CLPX: variants seen among roughly 807,000 people sequenced by gnomAD.
CLPX encodes the protein ATP-dependent clpX-like chaperone, mitochondrial.
Under a neutral mutation model 76.4 loss-of-function variants are expected in CLPX, and 34 were observed. The observed-to-expected ratio is 0.45, with a 90% CI of 0.34 to 0.59. The LOEUF is 0.59. Ranked by LOEUF, CLPX falls within the 20% of genes least tolerant of loss-of-function variation. The pLI, the probability that CLPX is intolerant of heterozygous loss-of-function variation, is 0.01. For synonymous variants in CLPX, 248 were observed against 270.9 expected, an observed-to-expected ratio of 0.92 and a Z score of 0.83; for missense variants, 613 against 757.0, an observed-to-expected ratio of 0.81 and a Z score of 2.23.
intron 12 of CLPX, among the ~76,000 whole-genome samples, chr15:65,153,308 G>A (rs1044598570): frequency 2.6e-5 from 4 of 152,096 alleles, no homozygotes; most frequent in African/African-American, 9.7e-5. Context: ...AAATTAGCCA[G>A]GTGTGGTGGT....
intron 6 of CLPX, among the ~76,000 whole-genome samples, chr15:65,161,050 G>A (rs1376047656): frequency 6.6e-6 from 1 of 152,170 alleles, no homozygotes; most frequent in African/African-American, 2.4e-5. Context: ...TGTCTCATGG[G>A]TTTAGGGGAG....
intron 3 of CLPX, among the ~76,000 whole-genome samples, chr15:65,172,419 C>G (rs886337759): frequency 6.6e-6 from 1 of 152,014 alleles, no homozygotes. Context: ...ATCACAAGGT[C>G]AGGAGTTCAA....
chr15:65,167,899 T>A (rs889364138), intron 3 of CLPX, among the ~76,000 whole-genome samples: 5 of 150,884 alleles, frequency 3.3e-5, no homozygotes, highest in African/African-American at 1.2e-4. Context: ...GAAAAAAATA[T>A]ATATATAATT....
intron 6 of CLPX, 37 bp from the exon 7 acceptor site, chr15:65,158,788 T>C (rs2140619587): frequency 4.0e-6 from 6 of 1,491,322 alleles, no homozygotes; most frequent in Non-Finnish European, 5.4e-6. Flanking sequence ...TGAGCTTCAT[T>C]TGAATTTACT....
chr15:65,177,210 A>G (rs969902807), intron 3 of CLPX, among the ~76,000 whole-genome samples: 2 of 152,022 alleles, frequency 1.3e-5, no homozygotes, highest in African/African-American at 4.8e-5. Context: ...CTGGGACTTC[A>G]GATGCACGCC....
chr15:65,157,644 G>C (rs962216584), intron 8 of CLPX, 102 bp downstream of exon 8: 2 of 1,104,502 alleles, frequency 1.8e-6, no homozygotes, highest in African/African-American at 3.2e-5. Flanking sequence ...TATAATTACA[G>C]AATTTTAGTC....
At chr15:65,160,177 C>T (rs542564555) in intron 6 of CLPX, among the ~76,000 whole-genome samples, 1 of 152,260 alleles carries the variant, frequency 6.6e-6, no homozygotes, top group East Asian at 1.9e-4. Context: ...TTTAATTAAA[C>T]TGATAGAATA....
rs142954778 is a variant in CLPX, at chr15:65,180,189, C to G, written c.95G>C (p.Arg32Pro). The change falls in exon 2 of 14, where the codon CGC (arginine) becomes CCC (proline). Residue 32 changes from arginine (R) to proline (P), a missense_variant. Physicochemically the swap from Arg to Pro is moderately radical, Grantham distance 103. Around this residue, in one of 2 missense-constraint regions of CLPX, gnomAD observed 163 missense variants for 118.4 expected, o/e 1.38. Transcript: ENST00000300107. ...CCTTCCTAAAACTGACATATGAATG[C>G]GACCACCAGAAATACCTGAAAATAA... ...ASAQRGISGG[R>P]IHMSVLGRLG... 2.7e-3 allele frequency: 4,358 copies of G among 1,590,204 alleles called. 3 individuals are homozygous for G. Among genetic ancestry groups the G allele is most frequent in the Non-Finnish European group, 3.3e-3 (3,840 of 1,167,790 alleles).
rs764875353 is a variant in CLPX at position 65,180,156 on chromosome 15, G to A, written c.128C>T (p.Thr43Ile). 8 of 1,609,500 alleles carry A rather than the reference G, an allele frequency of 5.0e-6. No individual in the cohort carries two copies. The South Asian group carries it at 8.9e-5, about 18-fold the overall frequency. ...IHMSVLGRLG[T>I]FETQILQRAP... ...TCTTTGCAGAATCTGAGTTTCAAAT[G>A]TCCCAAGCCTTCCTAAAACTGACAT... The change falls in exon 2 of 14, where the codon ACA becomes ATA. Residue 43 changes from threonine to isoleucine, a missense_variant. Thr to Ile is a moderately conservative substitution (Grantham distance 89). Around this residue, in one of 2 missense-constraint regions of CLPX, gnomAD observed 163 missense variants for 118.4 expected, o/e 1.38. Coordinates refer to ENST00000300107, the MANE Select transcript of CLPX (RefSeq NM_006660.5).
chr15:65,155,860 A>G lies in CLPX; in HGVS notation c.1147-4T>C. ...CTTCTAGTAGTTTTAATAAGCCCTA[A>G]ATAAAGAACAAATGATTTATAGCAT... is the stretch of plus-strand genomic sequence containing the variant. On this transcript the variant is annotated splice_region_variant and splice_polypyrimidine_tract_variant and intron_variant, in intron 9 of 13. Coordinates refer to ENST00000300107, the MANE Select transcript of CLPX (RefSeq NM_006660.5). 1 of 1,606,814 alleles carries G rather than the reference A, an allele frequency of 6.2e-7. No individual in the cohort carries two copies. Among genetic ancestry groups the G allele is most frequent in the Non-Finnish European group, 8.5e-7 (1 of 1,174,324 alleles).
intron 6 of CLPX, among the ~76,000 whole-genome samples, chr15:65,160,033 G>A (rs1311562927): frequency 6.6e-6 from 1 of 152,018 alleles, no homozygotes; most frequent in Non-Finnish European, 1.5e-5. Context: ...GGCTGGTCTT[G>A]AACTGCTGAC....
chr15:65,159,463 A>C (rs1264773606), intron 6 of CLPX, among the ~76,000 whole-genome samples: 1 of 152,216 alleles, frequency 6.6e-6, no homozygotes, highest in Admixed American at 6.5e-5. Context: ...ATAAAAAATT[A>C]GCCAGATGTG....
intron 3 of CLPX, among the ~76,000 whole-genome samples, chr15:65,169,773 G>A (rs1364066821): frequency 7.3e-6 from 1 of 137,218 alleles, no homozygotes; most frequent in African/African-American, 2.8e-5. Context: ...TTTTTTTTTT[G>A]AGACAGAGTT....
Position 65,171,162 on chromosome 15 carries a change from C to A in CLPX, c.359-4377G>T, listed in dbSNP as rs961962522. On this transcript the variant is annotated intron_variant, in intron 3 of 13. Coordinates refer to ENST00000300107, the MANE Select transcript of CLPX (RefSeq NM_006660.5). ...ACACAAGACTAATTAAAAACACATT[C>A]TGGGCCGGCCAAGGTGGCTAACGCC... 2.0e-5 allele frequency among the ~76,000 whole-genome samples: 3 copies of A among 152,100 alleles called. No individual in the cohort carries two copies. In the South Asian group the frequency reaches 6.2e-4, roughly 32 times the overall value.
chr15:65,152,839 C>A (rs572738344), intron 12 of CLPX, among the ~76,000 whole-genome samples: 2 of 151,562 alleles, frequency 1.3e-5, no homozygotes, highest in Admixed American at 6.6e-5. Context: ...TCAGGCAATC[C>A]GCCTGCCTCA....
chr15:65,177,847 G>A (rs1027022748), intron 3 of CLPX, among the ~76,000 whole-genome samples: 5 of 151,730 alleles, frequency 3.3e-5, no homozygotes, highest in Admixed American at 2.0e-4. Flanking sequence ...CTTTGTCGCC[G>A]AGGCTGGAAT....
chr15:65,160,617 TCTCTCTCACA>T (rs980182570), intron 6 of CLPX, among the ~76,000 whole-genome samples: 4 of 133,778 alleles, frequency 3.0e-5, no homozygotes, highest in Non-Finnish European at 6.2e-5. Context: ...TCTCTCTCTC[TCTCTCTCACA>T]CACACACACA....
At position 65,156,894 on chromosome 15, in the gene CLPX, C is replaced by T. The variant is rs1415811686; in HGVS notation, c.1096G>A (p.Val366Met). Residue 366 changes from valine (V) to methionine (M), a missense_variant, in exon 9 of 14, where the codon GTG becomes ATG. Val to Met is a conservative substitution (Grantham distance 21). Transcript: ENST00000300107. ...TCCCGTAATTGATGAATGCCTGGCA[C>T]ACTGCCAATCTTATCTACTTCATCC... ...FLDEVDKIGS[V>M]PGIHQLRDVG... The T allele has an allele frequency of 6.2e-7, 1 of 1,613,124 alleles. No individual in the cohort carries two copies.
At chr15:65,170,118 G>C (rs2087979960) in intron 3 of CLPX, among the ~76,000 whole-genome samples, 1 of 151,972 alleles carries the variant, frequency 6.6e-6, no homozygotes, top group African/African-American at 2.4e-5. Context: ...TCAAATTTCT[G>C]TTCTCAAGGG....
Sources: allele counts gnomAD v4.1 joint callset (sites outside exome capture counted in the v4.1 genomes callset), GRCh38; gene constraint gnomAD v4.1.1; regional missense constraint gnomAD v4.1.1; transcripts MANE v1.5; gene names NCBI Gene and HGNC (gene_info 2026-07-23, HGNC 2026-07-21).